The following SENP6 variants were observed in gnomAD, a reference collection of about 807,000 sequenced individuals.
The protein encoded by SENP6 is sentrin-specific protease 6.
A neutral mutation model predicts 134.5 loss-of-function variants in SENP6; 41 were observed. The ratio of observed to expected loss-of-function variants is 0.30; its 90% CI spans 0.24 to 0.40. SENP6 has a LOEUF of 0.40. Among genes scored for constraint, SENP6 ranks in the 10% least tolerant of loss-of-function variants. The pLI is 1.00. For missense variants in SENP6, 1,248 were observed against 1,312.5 expected (o/e 0.95, Z 0.76); for synonymous variants, 395 against 429.8 (o/e 0.92, Z 1.00).
intron 11 of SENP6, 102 bp from the exon 12 acceptor site, chr6:75,675,333 A>G: frequency 1.5e-6 from 1 of 664,026 alleles, no homozygotes; most frequent in East Asian, 3.0e-5. Context: ...ATTTTAAGAG[A>G]TAAACGAGTA....
chr6:75,649,276 C>T (rs1318396509), intron 7 of SENP6, among the ~76,000 whole-genome samples: 1 of 151,958 alleles, frequency 6.6e-6, no homozygotes, highest in Non-Finnish European at 1.5e-5. Context: ...GATCGCATCA[C>T]TACGCTCCAG....
intron 16 of SENP6, among the ~76,000 whole-genome samples, chr6:75,692,566 C>T (rs1163493606): frequency 6.6e-6 from 1 of 152,098 alleles, no homozygotes; most frequent in Non-Finnish European, 1.5e-5. Context: ...TTTGAGGTTG[C>T]AGTGAGCTGT....
chr6:75,639,436 T>A (rs1769859405), intron 5 of SENP6, among the ~76,000 whole-genome samples: 1 of 152,008 alleles, frequency 6.6e-6, no homozygotes, highest in African/African-American at 2.4e-5. Context: ...AGTTACTATA[T>A]TTTTTTTCTT....
At chr6:75,606,316 T>A (rs576577150) in intron 1 of SENP6, among the ~76,000 whole-genome samples, 4 of 152,370 alleles carry the variant, frequency 2.6e-5, no homozygotes, top group South Asian at 4.1e-4. Flanking sequence ...TAAAATTTTC[T>A]ACTCTCCTCT....
At chr6:75,656,029 A>C (rs930927801) in intron 7 of SENP6, among the ~76,000 whole-genome samples, 1 of 152,054 alleles carries the variant, frequency 6.6e-6, no homozygotes, top group Non-Finnish European at 1.5e-5. Context: ...AGCCTGGCCA[A>C]CGTGGCGAAA....
chr6:75,631,355 T>C (rs547934380), intron 3 of SENP6, among the ~76,000 whole-genome samples: 1 of 152,322 alleles, frequency 6.6e-6, no homozygotes, highest in Non-Finnish European at 1.5e-5. Flanking sequence ...ATGCAGCAAA[T>C]ACATATTGAG....
chr6:75,632,620 C>T (rs555232678), intron 3 of SENP6, among the ~76,000 whole-genome samples: 3 of 152,224 alleles, frequency 2.0e-5, no homozygotes, highest in Admixed American at 1.3e-4. Context: ...GTCATTTGAT[C>T]TCTTTTCGAA....
chr6:75,663,587 A>G, intron 9 of SENP6, 69 bp downstream of exon 9: 1 of 1,087,676 alleles, frequency 9.2e-7, no homozygotes, highest in Non-Finnish European at 1.3e-6. Context: ...TTTTACAACC[A>G]CTCTCCCCAA....
At chr6:75,688,451 C>T (rs925288140) in intron 16 of SENP6, among the ~76,000 whole-genome samples, 6 of 152,158 alleles carry the variant, frequency 3.9e-5, no homozygotes, top group East Asian at 1.9e-4. Context: ...CAGTTGGAAA[C>T]GCAGAAATCA....
intron 5 of SENP6, among the ~76,000 whole-genome samples, chr6:75,639,518 A>G (rs1769867734): frequency 6.6e-6 from 1 of 152,074 alleles, no homozygotes; most frequent in African/African-American, 2.4e-5. Context: ...TGATATAGGA[A>G]TTTGGGGATT....
In SENP6 at chr6:75,641,924, C is replaced by T. The variant is rs72654725; in HGVS notation, c.479+1220C>T. ...CTGTTGAATCAATTAAAAAAAAAAA[C>T]GAGTCTATAGTGCCTTTCAAATGCC... On this transcript the variant is annotated intron_variant, in intron 6 of 23. Coordinates refer to ENST00000447266, the MANE Select transcript of SENP6 (RefSeq NM_015571.4). Among the ~76,000 whole-genome samples the T allele has an allele frequency of 0.011, 1,611 of 151,600 alleles. 61 individuals carry two copies. The East Asian group carries it at 0.14, about 13-fold the overall frequency.
intron 1 of SENP6, among the ~76,000 whole-genome samples, chr6:75,617,058 T>C (rs538659293): frequency 1.3e-5 from 2 of 151,744 alleles, no homozygotes; most frequent in East Asian, 3.9e-4. Context: ...TTGTATTTTT[T>C]TGTAGAGACA....
intron 5 of SENP6, among the ~76,000 whole-genome samples, chr6:75,636,997 C>T (rs1433275303): frequency 6.6e-6 from 1 of 151,888 alleles, no homozygotes; most frequent in African/African-American, 2.4e-5. Flanking sequence ...CCTTCCACTT[C>T]AGCCTCCTGA....
At position 75,608,554 on chromosome 6, in the gene SENP6, A is replaced by G. The variant is rs545404878; in HGVS notation, c.52+5978A>G. 2.0e-5 allele frequency among the ~76,000 whole-genome samples: 3 copies of G among 152,196 alleles called. No individual in the cohort carries two copies. In the East Asian group the frequency reaches 5.8e-4, roughly 29 times the overall value. On this transcript the variant is annotated intron_variant, in intron 1 of 23. Coordinates refer to ENST00000447266, the MANE Select transcript of SENP6 (RefSeq NM_015571.4). The stretch of plus-strand genomic sequence containing the variant: ...AGAGAGGAAGGAAAGAAAGGAAGAA[A>G]GAAAGGAAGGAGAAAAGAAAGTGAT...
At chr6:75,701,885 C>T (rs1017698723) in intron 18 of SENP6, among the ~76,000 whole-genome samples, 1 of 151,992 alleles carries the variant, frequency 6.6e-6, no homozygotes, top group Non-Finnish European at 1.5e-5. Flanking sequence ...GGCAATCCAC[C>T]CGCCTCGGCC....
chr6:75,635,063 G>A, intron 5 of SENP6: 1 of 536,046 alleles, frequency 1.9e-6, no homozygotes, highest in Non-Finnish European at 3.4e-6. Context: ...AATCTAAGAT[G>A]ATACTGAAAC....
At chr6:75,700,518 A>G (rs935287958) in intron 18 of SENP6, among the ~76,000 whole-genome samples, 15 of 151,708 alleles carry the variant, frequency 9.9e-5, no homozygotes, top group African/African-American at 3.6e-4. Flanking sequence ...ATGGGGTCTC[A>G]CTCTGTCGCC....
intron 1 of SENP6, among the ~76,000 whole-genome samples, chr6:75,605,587 G>A (rs1035014830): frequency 6.6e-6 from 1 of 152,144 alleles, no homozygotes; most frequent in Admixed American, 6.5e-5. Flanking sequence ...CCTTAACTAA[G>A]AGACACTTCA....
chr6:75,632,912 A>C (rs1025016020), intron 3 of SENP6, among the ~76,000 whole-genome samples: 1 of 152,196 alleles, frequency 6.6e-6, no homozygotes, highest in Non-Finnish European at 1.5e-5. Context: ...GGAGGTGAGT[A>C]GATGTGCCAG....
Sources: gnomAD v4.1 joint callset for allele counts (sites outside exome capture counted in the v4.1 genomes callset) on GRCh38, gnomAD v4.1.1 for gene constraint, MANE v1.5 for transcripts, NCBI Gene and HGNC (gene_info 2026-07-23, HGNC 2026-07-21) for gene names.